The following SNTG1 variants were observed in gnomAD, a reference collection of about 807,000 sequenced individuals.
The protein encoded by SNTG1 is gamma-1-syntrophin.
SNTG1 carries 39 observed loss-of-function variants against 74.7 expected under a neutral mutation model. That is an observed-to-expected ratio of 0.52 (90% confidence interval 0.40 to 0.68). SNTG1 has a LOEUF of 0.68. Among genes scored for constraint, SNTG1 ranks in the 30% least tolerant of loss-of-function variants. SNTG1 has a pLI of 0.00. For missense variants in SNTG1, 685 were observed against 609.5 expected (o/e 1.12, Z -1.30); for synonymous variants, 254 against 217.1 (o/e 1.17, Z -1.49).
intron 2 of SNTG1, among the ~76,000 whole-genome samples, chr8:50,218,294 G>A (rs527947558): frequency 1.3e-5 from 2 of 151,984 alleles, no homozygotes; most frequent in Non-Finnish European, 2.9e-5. Context: ...TGTGGGTTAC[G>A]CTTTGCTTCC....
At chr8:49,998,220 C>A (rs1328802696) in intron 1 of SNTG1, among the ~76,000 whole-genome samples, 2 of 152,004 alleles carry the variant, frequency 1.3e-5, no homozygotes, top group Non-Finnish European at 2.9e-5. Context: ...TGGGAACTTA[C>A]CACAAATGGA....
intron 1 of SNTG1, among the ~76,000 whole-genome samples, chr8:50,020,988 T>A (rs1441233641): frequency 1.3e-5 from 2 of 152,116 alleles, no homozygotes; most frequent in Admixed American, 6.5e-5. Context: ...TACCTCAGAA[T>A]CCTTTTAGCC....
intron 1 of SNTG1, among the ~76,000 whole-genome samples, chr8:49,960,162 C>G (rs902261372): frequency 5.9e-5 from 9 of 152,144 alleles, no homozygotes; most frequent in Non-Finnish European, 1.0e-4. Context: ...GATTTGGTTT[C>G]CAAACAGACC....
At chr8:50,129,538 G>A (rs1586397904) in intron 1 of SNTG1, among the ~76,000 whole-genome samples, 1 of 151,960 alleles carries the variant, frequency 6.6e-6, no homozygotes, top group African/African-American at 2.4e-5. Flanking sequence ...AGCTACTATG[G>A]GTAACAATTT....
At chr8:50,031,479 C>G (rs1219677466) in intron 1 of SNTG1, among the ~76,000 whole-genome samples, 1 of 151,970 alleles carries the variant, frequency 6.6e-6, no homozygotes, top group Non-Finnish European at 1.5e-5. Context: ...CGTAGATTCT[C>G]TTTATCACAT....
chr8:50,392,460 G>C (rs1036204613), intron 2 of SNTG1, among the ~76,000 whole-genome samples: 1 of 152,112 alleles, frequency 6.6e-6, no homozygotes, highest in South Asian at 2.1e-4. Flanking sequence ...GCTAAAATTG[G>C]CCTCTTTGGC....
At chr8:50,689,697 GT>G (rs1273552863) in intron 15 of SNTG1, among the ~76,000 whole-genome samples, 1 of 152,130 alleles carries the variant, frequency 6.6e-6, no homozygotes, top group Non-Finnish European at 1.5e-5. Flanking sequence ...AAGGATATTG[GT>G]CTAAAATTCT....
chr8:50,624,763 A>G (rs1179653611), intron 13 of SNTG1, among the ~76,000 whole-genome samples: 3 of 152,268 alleles, frequency 2.0e-5, no homozygotes, highest in Non-Finnish European at 2.9e-5. Context: ...CATTATTTGT[A>G]GGTTAGTTTT....
chr8:49,917,981 A>G (rs887649467), intron 1 of SNTG1, among the ~76,000 whole-genome samples: 9 of 152,260 alleles, frequency 5.9e-5, no homozygotes, highest in Admixed American at 4.6e-4. Flanking sequence ...AAAATTTTGC[A>G]TGTAGCGAAA....
At chr8:49,991,384 C>A (rs186781455) in intron 1 of SNTG1, among the ~76,000 whole-genome samples, 1 of 152,114 alleles carries the variant, frequency 6.6e-6, no homozygotes, top group Admixed American at 6.6e-5. Context: ...ACACTCTGGC[C>A]GTTCATTAAA....
intron 1 of SNTG1, among the ~76,000 whole-genome samples, chr8:50,085,437 C>A (rs1216927676): frequency 6.6e-6 from 1 of 152,172 alleles, no homozygotes; most frequent in Non-Finnish European, 1.5e-5. Context: ...AAATATTTTT[C>A]TCATGTACTT....
Position 50,374,793 on chromosome 8 carries a change from T to C in SNTG1, c.-27-19419T>C, listed in dbSNP as rs141222566. ...TAGATGAAACAAGGCATCTCATAGC[T>C]AAATAAATAAATAAAATTCCCTAGG... On this transcript the variant is annotated intron_variant, in intron 2 of 18. Coordinates refer to ENST00000642720, the MANE Select transcript of SNTG1 (RefSeq NM_018967.5). Among the ~76,000 whole-genome samples, 416 of 152,302 alleles carry C rather than the reference T, an allele frequency of 2.7e-3. 1 individual carries two copies. The highest frequency in any genetic ancestry group is 9.6e-3 in the African/African-American group (400 of 41,558).
chr8:50,598,191 C>G (rs2094745116), intron 13 of SNTG1, among the ~76,000 whole-genome samples: 1 of 151,708 alleles, frequency 6.6e-6, no homozygotes, highest in South Asian at 2.1e-4. Flanking sequence ...TCAAGTGCTT[C>G]CATAGTTTCA....
chr8:50,296,162 G>T (rs2089359833), intron 2 of SNTG1, among the ~76,000 whole-genome samples: 1 of 152,140 alleles, frequency 6.6e-6, no homozygotes, highest in South Asian at 2.1e-4. Flanking sequence ...AGACTGTGTT[G>T]CAGGCTACAA....
At chr8:50,574,381 A>G (rs1307972907) in intron 12 of SNTG1, among the ~76,000 whole-genome samples, 1 of 152,082 alleles carries the variant, frequency 6.6e-6, no homozygotes, top group East Asian at 1.9e-4. Flanking sequence ...CCGTTTGCTT[A>G]TGGTTGGTAA....
rs1160921449 is a variant in SNTG1, at chr8:50,104,724, A to AG, written c.-102-67837_-102-67836insG. Among the ~76,000 whole-genome samples, 5 of 152,162 alleles carry AG rather than the reference A, an allele frequency of 3.3e-5. No individual in the cohort carries two copies. The East Asian group carries it at 7.7e-4, about 24-fold the overall frequency. On this transcript the variant is annotated intron_variant, in intron 1 of 18. Transcript: ENST00000642720. Reference sequence around the variant, plus strand: ...TAGTGCTATAAATTTCCCTCTACACACTGCTTTGAATGTGTCCCACAGATT... The same window carrying AG: ...TAGTGCTATAAATTTCCCTCTACACAGCTGCTTTGAATGTGTCCCACAGATT...
intron 2 of SNTG1, among the ~76,000 whole-genome samples, chr8:50,218,067 C>A (rs140877375): frequency 5.0e-4 from 76 of 152,286 alleles, no homozygotes; most frequent in Admixed American, 1.0e-3. Context: ...ATTATTTCAG[C>A]ACGAGCTAAT....
At chr8:49,948,452 G>C (rs183729355) in intron 1 of SNTG1, among the ~76,000 whole-genome samples, 6 of 152,216 alleles carry the variant, frequency 3.9e-5, no homozygotes, top group Admixed American at 6.5e-5. Flanking sequence ...CCCCAAATCT[G>C]CTGATTTTTC....
chr8:50,530,723 T>G (rs113895330), intron 10 of SNTG1, among the ~76,000 whole-genome samples: 1 of 152,214 alleles, frequency 6.6e-6, no homozygotes, highest in South Asian at 2.1e-4. Flanking sequence ...TATTTTGACA[T>G]GTAAAGAACG....
Sources: gnomAD v4.1 joint callset for allele counts (sites outside exome capture counted in the v4.1 genomes callset) on GRCh38, gnomAD v4.1.1 for gene constraint, MANE v1.5 for transcripts, NCBI Gene and HGNC (gene_info 2026-07-23, HGNC 2026-07-21) for gene names.